Variants in RBL2 observed in about 807,000 individuals in gnomAD.
The protein encoded by RBL2 is RB transcriptional corepressor like 2.
Under a neutral mutation model 126.0 loss-of-function variants are expected in RBL2, and 56 were observed. The ratio of observed to expected loss-of-function variants is 0.44; its 90% confidence interval spans 0.36 to 0.56. The LOEUF is 0.56. RBL2 is among the 20% of genes least tolerant of loss of function. RBL2 has a pLI of 0.00. For synonymous variants in RBL2, 454 were observed against 478.5 expected, an observed-to-expected ratio of 0.95 and a Z score of 0.67; for missense variants, 1,229 against 1,398.2, an observed-to-expected ratio of 0.88 and a Z score of 1.93.
rs1259066239 is a variant in RBL2, at chr16:53,491,264, T to C, written c.*964T>C. On this transcript the variant is annotated 3_prime_UTR_variant, in exon 22 of 22. Coordinates refer to ENST00000262133, the MANE Select transcript of RBL2 (RefSeq NM_005611.4). ...AAAAGAAATGTCTATTAAGGTGATA[T>C]ATTTAAAAATATTTTTGGGTGTTCC... 1.3e-5 allele frequency: 2 copies of C among 152,184 alleles called. No homozygotes were observed. The highest frequency in any genetic ancestry group is 2.4e-5 in the African/African-American group (1 of 41,440). The allele number at this position is 152,184 out of a possible 1,614,324, so 9.4% of individuals were successfully genotyped here.
Position 53,480,682 on chromosome 16 carries a change from A to G in RBL2, c.2997A>G (p.Glu999=), listed in dbSNP as rs776902523. Residue 999 remains glutamate (E), a synonymous_variant, in exon 20 of 22, where the codon GAA becomes GAG. Transcript: ENST00000262133. ...RLTGANSDME[E]EERGDLIQFY... ...CAGGTGCCAACAGTGACATGGAAGA[A>G]GAGGAGAGGGGAGACCTCATTCAGT... 3.5e-5 allele frequency: 56 copies of G among 1,613,814 alleles called. No homozygotes were observed. The highest frequency in any genetic ancestry group is 1.3e-5 in the Non-Finnish European group (15 of 1,180,006).
At chr16:53,462,402 G>A in intron 10 of RBL2, 150 bp from the exon 11 acceptor site, 1 of 514,302 alleles carries the variant, frequency 1.9e-6, no homozygotes, top group South Asian at 3.2e-5. Flanking sequence ...GGTATCTTAG[G>A]GATAATTAAA....
At chr16:53,470,239 A>C in intron 15 of RBL2, 54 bp downstream of exon 15, 1 of 1,566,486 alleles carries the variant, frequency 6.4e-7, no homozygotes, top group Non-Finnish European at 8.7e-7. Flanking sequence ...TGTATTGAAA[A>C]GTTACCCGAG....
Position 53,480,961 on chromosome 16 carries a change from C to A in RBL2, c.3084+192C>A, listed in dbSNP as rs191855512. The A allele has an allele frequency of 2.5e-5, 12 of 487,564 alleles. No homozygotes were observed. The East Asian group carries it at 4.7e-4, about 19-fold the overall frequency. The allele number at this position is 487,564 out of a possible 1,614,324, so 30.2% of individuals were successfully genotyped here. ...ATCACTTGAGGTCAGGAGTTCAAGA[C>A]CAGCCTGGCCAACGTGGTAAAACCC... On this transcript the variant is annotated intron_variant, in intron 20 of 21. Coordinates refer to ENST00000262133, the MANE Select transcript of RBL2 (RefSeq NM_005611.4).
intron 17 of RBL2, 88 bp downstream of exon 17, chr16:53,471,010 T>C: frequency 7.5e-7 from 1 of 1,338,916 alleles, no homozygotes; most frequent in Non-Finnish European, 1.0e-6. Flanking sequence ...ACAGTTTACA[T>C]GCTCTATAAT....
In RBL2 at chr16:53,451,840, G is replaced by C; in HGVS notation, c.766+9G>C. On this transcript the variant is annotated intron_variant, in intron 5 of 21. Coordinates refer to ENST00000262133, the MANE Select transcript of RBL2 (RefSeq NM_005611.4). ...GAACCCTAATTTTAAAGGTAGGTTT[G>C]TAAATCAAAGATTTTTGGGCAATCT... is the stretch of plus-strand genomic sequence containing the variant. The C allele has an allele frequency of 6.2e-7, 1 of 1,612,880 alleles. No homozygotes were observed. Among genetic ancestry groups the C allele is most frequent in the Non-Finnish European group, 8.5e-7 (1 of 1,179,288 alleles).
chr16:53,469,865 G>T (rs374941192), intron 14 of RBL2, 51 bp from the exon 15 acceptor site: 3 of 1,494,752 alleles, frequency 2.0e-6, no homozygotes. Context: ...ACGGAAGTCA[G>T]ATCTGAGTCT....
chr16:53,452,974 C>A (rs926865598), intron 5 of RBL2, among the ~76,000 whole-genome samples: 3 of 152,012 alleles, frequency 2.0e-5, no homozygotes, highest in Non-Finnish European at 2.9e-5. Flanking sequence ...ACCTTTACCT[C>A]TTTTATTTTT....
Position 53,453,405 on chromosome 16 carries a change from G to T in RBL2, c.767-47G>T, listed in dbSNP as rs899141557. On this transcript the variant is annotated intron_variant, in intron 5 of 21. Transcript: ENST00000262133. ...TTACATTTTAGTTTATTACAAATTG[G>T]CTTATTGTGTGCTGATATCTCTGTT... is the stretch of plus-strand genomic sequence containing the variant. 4 of 1,532,156 alleles carry T rather than the reference G, an allele frequency of 2.6e-6. No homozygotes were observed. In the East Asian group the frequency reaches 9.1e-5, roughly 35 times the overall value. The allele number at this position is 1,532,156 out of a possible 1,614,324, so 94.9% of individuals were successfully genotyped here.
intron 3 of RBL2, among the ~76,000 whole-genome samples, chr16:53,444,532 G>A (rs1446305457): frequency 2.0e-5 from 3 of 151,466 alleles, no homozygotes; most frequent in Non-Finnish European, 4.4e-5. Flanking sequence ...CAGCCTGGGC[G>A]ATAGAGCGAG....
intron 17 of RBL2, among the ~76,000 whole-genome samples, chr16:53,471,879 G>A (rs1025425785): frequency 2.0e-5 from 3 of 152,198 alleles, no homozygotes; most frequent in East Asian, 1.9e-4. Flanking sequence ...GAACATTTCC[G>A]TACCTGCAAA....
chr16:53,461,231 T>G (rs947815276), intron 9 of RBL2, among the ~76,000 whole-genome samples: 2 of 152,088 alleles, frequency 1.3e-5, no homozygotes, highest in African/African-American at 4.8e-5. Context: ...AGTGGCTCAT[T>G]CCTGTAATCC....
In RBL2 at chr16:53,470,386, T is replaced by C. The variant is rs985579317; in HGVS notation, c.2249T>C (p.Ile750Thr). Residue 750 changes from isoleucine (I) to threonine (T), a missense_variant, in exon 16 of 22, where the codon ATT becomes ACT. Coordinates refer to ENST00000262133, the MANE Select transcript of RBL2 (RefSeq NM_005611.4). ...TGCTTTTTTTCTCTGTCACTAGGTA[T>C]TGCCAATGAAAATGGAGGGATAACA... ...GQTVTIPVQGIANENGGITFF... is the reference protein window; with the variant it reads ...GQTVTIPVQGTANENGGITFF... 6.2e-7 allele frequency: 1 copy of C among 1,611,176 alleles called. No homozygotes were observed. The highest frequency in any genetic ancestry group is 2.2e-5 in the East Asian group (1 of 44,782).
chr16:53,440,953 CTTTTTTTTTTTTTT>C (rs1178378934), intron 2 of RBL2, among the ~76,000 whole-genome samples: 6 of 71,662 alleles, frequency 8.4e-5, no homozygotes, highest in South Asian at 5.8e-4. Context: ...TTTTTCAGTT[CTTTTTTTTTTTTTT>C]TTTTTTTTTT....
At chr16:53,441,403 C>T (rs1451600673) in intron 2 of RBL2, among the ~76,000 whole-genome samples, 1 of 152,116 alleles carries the variant, frequency 6.6e-6, no homozygotes, top group African/African-American at 2.4e-5. Flanking sequence ...GAAACTCCTG[C>T]ACACATGTAT....
chr16:53,480,690 G>A lies in RBL2; in HGVS notation c.3005G>A (p.Arg1002Lys). The A allele has an allele frequency of 1.2e-6, 2 of 1,613,824 alleles. No homozygotes were observed. Among genetic ancestry groups the A allele is most frequent in the East Asian group, 2.2e-5 (1 of 44,872 alleles). ...GANSDMEEEE[R>K]GDLIQFYNNI... ...AACAGTGACATGGAAGAAGAGGAGA[G>A]GGGAGACCTCATTCAGTTCTACAAC... Residue 1002 changes from arginine to lysine, a missense_variant, in exon 20 of 22, where the codon AGG becomes AAG. Physicochemically the swap from Arg to Lys is conservative, Grantham distance 26. Coordinates refer to ENST00000262133, the MANE Select transcript of RBL2 (RefSeq NM_005611.4).
At chr16:53,475,253 T>C (rs1275737791) in intron 17 of RBL2, among the ~76,000 whole-genome samples, 5 of 152,222 alleles carry the variant, frequency 3.3e-5, no homozygotes, top group Non-Finnish European at 7.3e-5. Flanking sequence ...TCTCACTCTG[T>C]TGTCCAGGCT....
intron 8 of RBL2, among the ~76,000 whole-genome samples, chr16:53,455,392 C>T (rs1233688359): frequency 6.6e-6 from 1 of 152,192 alleles, no homozygotes; most frequent in African/African-American, 2.4e-5. Flanking sequence ...ATCCAAGGGC[C>T]AGTTCACCTG....
intron 4 of RBL2, among the ~76,000 whole-genome samples, chr16:53,450,432 G>A (rs2058104587): frequency 6.6e-6 from 1 of 152,050 alleles, no homozygotes; most frequent in South Asian, 2.1e-4. Flanking sequence ...ATGTATGTTA[G>A]CTATTTAAAT....
Sources: allele counts gnomAD v4.1 joint callset (sites outside exome capture counted in the v4.1 genomes callset), GRCh38; gene constraint gnomAD v4.1.1; transcripts MANE v1.5; gene names NCBI Gene and HGNC (gene_info 2026-07-23, HGNC 2026-07-21).